The following COL19A1 variants were observed in gnomAD, a reference collection of about 807,000 sequenced individuals.
COL19A1 encodes the protein collagen type XIX alpha 1 chain, also known as collagen alpha-1(XIX) chain.
In COL19A1, 159 loss-of-function variants were observed where a neutral mutation model predicts 190.2. The ratio of observed to expected loss-of-function variants is 0.84; its 90% confidence interval spans 0.73 to 0.95. COL19A1 has a LOEUF of 0.95. COL19A1 is among the 40% of genes least tolerant of loss of function. The pLI, the probability that COL19A1 is intolerant of heterozygous loss-of-function variation, is 0.00. For synonymous variants in COL19A1, 509 were observed against 458.9 expected (o/e 1.11, Z -1.39); for missense variants, 1,418 against 1,431.9 (o/e 0.99, Z 0.16).
chr6:69,921,397 T>TATATATCATATATATC (rs1161825792), intron 4 of COL19A1, among the ~76,000 whole-genome samples: 1 of 112,662 alleles, frequency 8.9e-6, no homozygotes, highest in African/African-American at 4.4e-5. Context: ...ATATATATCA[T>TATATATCATATATATC]ATATCATATA....
intron 4 of COL19A1, among the ~76,000 whole-genome samples, chr6:69,906,517 T>C (rs1770558207): frequency 1.3e-5 from 2 of 152,130 alleles, no homozygotes; most frequent in South Asian, 2.1e-4. Context: ...TGAATTAGGA[T>C]GATTTCTGTA....
At chr6:70,112,816 G>T (rs1364364371) in intron 16 of COL19A1, among the ~76,000 whole-genome samples, 4 of 152,138 alleles carry the variant, frequency 2.6e-5, no homozygotes, top group Non-Finnish European at 5.9e-5. Flanking sequence ...ATCACATATT[G>T]AGTATTTTGC....
intron 15 of COL19A1, among the ~76,000 whole-genome samples, chr6:70,077,268 C>T (rs1781937627): frequency 6.6e-6 from 1 of 152,080 alleles, no homozygotes; most frequent in African/African-American, 2.4e-5. Flanking sequence ...GAAGCTATTG[C>T]AAAGTAAATG....
intron 1 of COL19A1, among the ~76,000 whole-genome samples, chr6:69,874,476 G>C (rs2149936123): frequency 6.6e-6 from 1 of 152,324 alleles, no homozygotes; most frequent in East Asian, 1.9e-4. Flanking sequence ...GAGAGGCTGG[G>C]TGTGGTGGCT....
intron 1 of COL19A1, among the ~76,000 whole-genome samples, chr6:69,870,191 C>A (rs752590783): frequency 5.9e-5 from 9 of 152,148 alleles, no homozygotes; most frequent in Non-Finnish European, 1.2e-4. Flanking sequence ...TAGACTGTAT[C>A]ATTCTACAGA....
At chr6:70,166,577 G>C (rs1466585653) in intron 37 of COL19A1, among the ~76,000 whole-genome samples, 2 of 152,202 alleles carry the variant, frequency 1.3e-5, no homozygotes, top group Non-Finnish European at 2.9e-5. Context: ...CGCTCGAATC[G>C]CAGCCGAGCC....
At chr6:70,038,965 G>A (rs985460722) in intron 14 of COL19A1, among the ~76,000 whole-genome samples, 4 of 152,070 alleles carry the variant, frequency 2.6e-5, no homozygotes, top group African/African-American at 9.7e-5. Flanking sequence ...GCTGAGTCAG[G>A]GGAATTGCTC....
chr6:70,016,689 TAAG>T (rs1778129196), intron 11 of COL19A1, among the ~76,000 whole-genome samples: 1 of 152,044 alleles, frequency 6.6e-6, no homozygotes, highest in Non-Finnish European at 1.5e-5. Context: ...AACTCACAAA[TAAG>T]AAGGCAAACT....
chr6:70,199,838 T>C, intron 49 of COL19A1, 102 bp downstream of exon 49: 2 of 1,081,540 alleles, frequency 1.8e-6, no homozygotes, highest in South Asian at 1.8e-5. Flanking sequence ...ATGTCCTTTA[T>C]TTATACATTA....
intron 4 of COL19A1, among the ~76,000 whole-genome samples, chr6:69,919,305 G>A (rs1035678820): frequency 7.2e-5 from 11 of 152,168 alleles, no homozygotes; most frequent in Non-Finnish European, 1.5e-4. Context: ...AATATTAACA[G>A]AGCTTGTGTT....
At chr6:70,022,168 A>C (rs1778451192) in intron 11 of COL19A1, among the ~76,000 whole-genome samples, 1 of 152,158 alleles carries the variant, frequency 6.6e-6, no homozygotes, top group Non-Finnish European at 1.5e-5. Flanking sequence ...TTGTAGGAAA[A>C]ATGAAGGAAG....
intron 46 of COL19A1, among the ~76,000 whole-genome samples, chr6:70,187,381 A>T (rs1331414856): frequency 2.0e-5 from 3 of 152,154 alleles, no homozygotes; most frequent in Non-Finnish European, 2.9e-5. Context: ...AACAAACCTG[A>T]AGAGTCTAAT....
chr6:69,993,866 G>T, intron 11 of COL19A1, among the ~76,000 whole-genome samples: 1 of 151,252 alleles, frequency 6.6e-6, no homozygotes, highest in Non-Finnish European at 1.5e-5. Context: ...TCTAGCTAGT[G>T]GTCTATCAAT....
intron 15 of COL19A1, chr6:70,098,527 C>A: frequency 4.4e-6 from 2 of 458,290 alleles, no homozygotes; most frequent in Non-Finnish European, 4.3e-6. Flanking sequence ...ATCTTTAAGC[C>A]TTGGCACTTC....
chr6:70,209,821 A>G lies in COL19A1; in HGVS notation c.*2547A>G, dbSNP rs778837840. 3.3e-5 allele frequency: 5 copies of G among 152,198 alleles called. No individual in the cohort carries two copies. Among genetic ancestry groups the G allele is most frequent in the Non-Finnish European group, 7.4e-5 (5 of 68,022 alleles). The allele number at this position is 152,198 out of a possible 1,614,324, so 9.4% of individuals were successfully genotyped here. A position where few individuals can be genotyped will look rare whatever the true frequency, so the allele number is the denominator to read the frequency against. ...ATACTTTTTCCTGCCTCAGCTCTGTACACATGATATGCAACAAAGGGCAGC... is the reference window on the plus strand; with the variant it reads ...ATACTTTTTCCTGCCTCAGCTCTGTGCACATGATATGCAACAAAGGGCAGC... On this transcript the variant is annotated 3_prime_UTR_variant, in exon 51 of 51. Transcript: ENST00000620364.
At chr6:69,958,171 C>T (rs1258074040) in intron 9 of COL19A1, among the ~76,000 whole-genome samples, 1 of 152,058 alleles carries the variant, frequency 6.6e-6, no homozygotes, top group African/African-American at 2.4e-5. Flanking sequence ...TGCCAGTACC[C>T]AGAGCACCTG....
chr6:70,052,013 G>C (rs966405146), intron 14 of COL19A1, among the ~76,000 whole-genome samples: 10 of 151,982 alleles, frequency 6.6e-5, no homozygotes, highest in Non-Finnish European at 1.5e-4. Context: ...TAGAAAGCCA[G>C]ATGATTTGCT....
At chr6:70,186,709 ATCTC>A (rs141792412) in intron 46 of COL19A1, among the ~76,000 whole-genome samples, 5 of 148,286 alleles carry the variant, frequency 3.4e-5, no homozygotes, top group African/African-American at 1.2e-4. Flanking sequence ...AACTGCCATG[ATCTC>A]TCTCTCTCTC....
intron 17 of COL19A1, among the ~76,000 whole-genome samples, chr6:70,129,482 A>G (rs1412401695): frequency 3.3e-5 from 5 of 152,244 alleles, no homozygotes; most frequent in African/African-American, 1.2e-4. Context: ...AGCCATGATA[A>G]GAGATGAGAC....
Sources: gnomAD v4.1 joint callset for allele counts (sites outside exome capture counted in the v4.1 genomes callset) on GRCh38, gnomAD v4.1.1 for gene constraint, MANE v1.5 for transcripts, NCBI Gene and HGNC (gene_info 2026-07-23, HGNC 2026-07-21) for gene names.